LRRC9: variants seen among roughly 807,000 people sequenced by gnomAD.
The protein encoded by LRRC9 is leucine rich repeat containing 9.
A neutral mutation model predicts 63.2 loss-of-function variants in LRRC9; 122 were observed. The observed-to-expected ratio is 1.93, with a 90% CI of 1.67 to 2.24. The LOEUF is 2.24. Among genes scored for constraint, LRRC9 ranks in the 30% most tolerant of loss-of-function variants. LRRC9 has a pLI of 0.00. For missense variants in LRRC9, 1,071 were observed against 627.7 expected (o/e 1.71, Z -7.55); for synonymous variants, 366 against 213.1 (o/e 1.72, Z -6.25).
At chr14:60,020,431 A>G (rs1891029746) in intron 26 of LRRC9, among the ~76,000 whole-genome samples, 1 of 151,936 alleles carries the variant, frequency 6.6e-6, no homozygotes, top group African/African-American at 2.4e-5. Flanking sequence ...ATTTATATAC[A>G]TACTTTTTTG....
chr14:60,032,185 G>T, intron 29 of LRRC9, 122 bp downstream of exon 29: 1 of 561,596 alleles, frequency 1.8e-6, no homozygotes. Flanking sequence ...AGTCATCCCA[G>T]CCCAAATTTA....
chr14:60,027,766 T>C lies in LRRC9; in HGVS notation c.3704-118T>C. The C allele has an allele frequency of 1.9e-6, 1 of 534,546 alleles. No homozygotes were observed. Among genetic ancestry groups the C allele is most frequent in the African/African-American group, 1.9e-5 (1 of 52,490 alleles). 33.1% of individuals were successfully genotyped at this position (534,546 alleles called of 1,614,324 possible). On this transcript the variant is annotated intron_variant, in intron 27 of 31. Transcript: ENST00000445360. This position sits in a 1 kb window ranked among gnomAD's most constrained non-coding sequence, Gnocchi z 4.0. ...AATTTCTCTTTGGAAATAAGTTTCT[T>C]GAATCCTTTACTTCTTTTGACAAAT...
Position 59,938,896 on chromosome 14 carries a change from TATATATACATATATACAC to T in LRRC9, c.726+329_726+346del, listed in dbSNP as rs1881350822. ...ATATATATACACACATATATACACA[TATATATACATATATACAC>T]ATATGCATATATATACACATATATA... On this transcript the variant is annotated intron_variant, in intron 7 of 31. Coordinates refer to ENST00000445360, the Ensembl canonical transcript of LRRC9. The surrounding 1 kb of genome is among the most constrained non-coding windows in gnomAD (Gnocchi z 4.2). Among the ~76,000 whole-genome samples, 2 of 119,724 alleles carry T rather than the reference TATATATACATATATACAC, an allele frequency of 1.7e-5. No homozygotes were observed. The highest frequency in any genetic ancestry group is 3.5e-5 in the African/African-American group (1 of 28,718). The allele number at this position is 119,724 out of a possible 152,430, so 78.5% of individuals were successfully genotyped here.
intron 26 of LRRC9, among the ~76,000 whole-genome samples, chr14:60,021,387 G>T (rs9944126): frequency 0.014 from 2,132 of 151,756 alleles, 51 homozygotes; most frequent in African/African-American, 0.048. Flanking sequence ...TTATACTGGG[G>T]GTAAGCCCTT....
chr14:60,006,462 G>A, exon 22 of LRRC9: 1 of 701,858 alleles, frequency 1.4e-6, no homozygotes, highest in Non-Finnish European at 2.6e-6. Context: ...TGGTTGGGAA[G>A]AGCATACCTT....
In LRRC9 at chr14:60,063,341, T is replaced by C. The variant is rs778743283; in HGVS notation, c.4295T>C (p.Phe1432Ser). 15 of 701,894 alleles carry C rather than the reference T, an allele frequency of 2.1e-5. No individual in the cohort carries two copies. The South Asian group carries it at 2.2e-4, about 10-fold the overall frequency. The allele number at this position is 701,894 out of a possible 1,614,324, so 43.5% of individuals were successfully genotyped here. A position where few individuals can be genotyped will look rare whatever the true frequency, so the allele number is the denominator to read the frequency against. ...CTTACAGAATTTTTGGGAGCAACTTTCCAAGATCAAATCGAATGTAACTGC... is the reference window on the plus strand; with the variant it reads ...CTTACAGAATTTTTGGGAGCAACTTCCCAAGATCAAATCGAATGTAACTGC... The change falls in exon 32 of 32, where the codon TTC becomes TCC. Residue 1432 changes from phenylalanine to serine, a missense_variant. By Grantham distance (155) the Phe-to-Ser change is radical (BLOSUM62 -2). Coordinates refer to ENST00000445360, the Ensembl canonical transcript of LRRC9.
intron 12 of LRRC9, among the ~76,000 whole-genome samples, chr14:59,967,819 G>A (rs956672780): frequency 7.9e-5 from 12 of 152,090 alleles, no homozygotes; most frequent in African/African-American, 2.7e-4. Context: ...TTTGGATCCC[G>A]ATTTCACTCC....
chr14:59,944,709 G>A (rs1159160330), exon 8 of LRRC9: 4 of 675,258 alleles, frequency 5.9e-6, no homozygotes, highest in Admixed American at 2.2e-5. Flanking sequence ...GTTGCCAGAA[G>A]AACGAGTAAA....
At chr14:60,063,844 C>T (rs1314984163), downstream of LRRC9, among the ~76,000 whole-genome samples, 1 of 152,278 alleles carries the variant, frequency 6.6e-6, no homozygotes, top group South Asian at 2.1e-4. Flanking sequence ...CCAAACACAA[C>T]TATTACTAAA....
intron 8 of LRRC9, among the ~76,000 whole-genome samples, chr14:59,957,997 G>A (rs943897249): frequency 2.0e-5 from 3 of 152,188 alleles, no homozygotes; most frequent in African/African-American, 7.2e-5. Flanking sequence ...CCTTCCTCTG[G>A]AAGCTTCATC....
chr14:60,050,751 C>T (rs759294727), intron 29 of LRRC9, among the ~76,000 whole-genome samples: 7 of 152,036 alleles, frequency 4.6e-5, no homozygotes, highest in Non-Finnish European at 1.0e-4. Flanking sequence ...TTGAGTGGGG[C>T]TTTTGTGGGG....
intron 8 of LRRC9, among the ~76,000 whole-genome samples, chr14:59,946,067 A>G (rs1011610509): frequency 6.6e-6 from 1 of 151,624 alleles, no homozygotes; most frequent in Non-Finnish European, 1.5e-5. Context: ...GTAAATATGT[A>G]TATAAAAGGA....
At chr14:59,956,765 G>A (rs907218251) in intron 8 of LRRC9, among the ~76,000 whole-genome samples, 1 of 152,196 alleles carries the variant, frequency 6.6e-6, no homozygotes, top group East Asian at 1.9e-4. Flanking sequence ...TGTTTTTGCT[G>A]TGGATGGTAC....
chr14:60,059,527 C>A (rs1447271787), intron 31 of LRRC9, among the ~76,000 whole-genome samples: 1 of 152,102 alleles, frequency 6.6e-6, no homozygotes, highest in African/African-American at 2.4e-5. Context: ...AGGAAAAATT[C>A]TTGAAGGAAA....
downstream of LRRC9, chr14:60,063,675 G>T: frequency 3.4e-6 from 1 of 290,318 alleles, no homozygotes; most frequent in Non-Finnish European, 6.4e-6. Context: ...CCAGAGAACT[G>T]AATGCTTAGT....
In LRRC9 at chr14:60,051,627, G is replaced by A. The variant is rs1338243450; in HGVS notation, c.3991-1438G>A. 6.6e-6 allele frequency among the ~76,000 whole-genome samples: 1 copy of A among 152,198 alleles called. No individual in the cohort carries two copies. The highest frequency in any genetic ancestry group is 1.5e-5 in the Non-Finnish European group (1 of 68,032). On this transcript the variant is annotated intron_variant, in intron 29 of 31. Transcript: ENST00000445360. This position sits in a 1 kb window ranked among gnomAD's most constrained non-coding sequence, Gnocchi z 4.7. Reference sequence around the variant, plus strand: ...TTAACTTATGAGGTGCCATGAAACTGAGGCCTGCAGACCGACACTGCTTGG... The same window carrying A: ...TTAACTTATGAGGTGCCATGAAACTAAGGCCTGCAGACCGACACTGCTTGG...
intron 16 of LRRC9, among the ~76,000 whole-genome samples, chr14:59,984,885 C>A (rs1887295064): frequency 6.6e-6 from 1 of 152,136 alleles, no homozygotes; most frequent in African/African-American, 2.4e-5. Context: ...AATCAAGAAC[C>A]AGGTCTAGTG....
At chr14:59,978,206 A>G (rs746414820) in intron 15 of LRRC9, 74 bp downstream of exon 15, 11 of 670,342 alleles carry the variant, frequency 1.6e-5, no homozygotes, top group Non-Finnish European at 2.7e-5. Flanking sequence ...TTTGAAGTCG[A>G]ATAATGCTAT....
In LRRC9 at chr14:60,060,070, A is replaced by G. The variant is rs1342932997; in HGVS notation, c.4276+2048A>G. On this transcript the variant is annotated intron_variant, in intron 31 of 31. Transcript: ENST00000445360. This position sits in a 1 kb window ranked among gnomAD's most constrained non-coding sequence, Gnocchi z 4.0. ...TAAGTTGAATACATTGCTCAACTTAAAGAAACCATTGTTCAACCATTGTAA... is the reference window on the plus strand; with the variant it reads ...TAAGTTGAATACATTGCTCAACTTAGAGAAACCATTGTTCAACCATTGTAA... Among the ~76,000 whole-genome samples, 1 of 152,218 alleles carries G rather than the reference A, an allele frequency of 6.6e-6. No individual in the cohort carries two copies. The highest frequency in any genetic ancestry group is 1.5e-5 in the Non-Finnish European group (1 of 68,046).
Sources: gnomAD v4.1 joint callset for allele counts (sites outside exome capture counted in the v4.1 genomes callset) on GRCh38, gnomAD v4.1.1 for gene constraint, Gnocchi (gnomAD v3.1) non-coding constraint, MANE v1.5 for transcripts, NCBI Gene and HGNC (gene_info 2026-07-23, HGNC 2026-07-21) for gene names.